Variants in CLSTN2 observed in about 807,000 individuals in gnomAD.
The protein encoded by CLSTN2 is calsyntenin-2.
CLSTN2 carries 48 observed loss-of-function variants against 101.2 expected under a neutral mutation model. The observed-to-expected ratio is 0.47, with a 90% CI of 0.38 to 0.60. The LOEUF (loss-of-function observed/expected upper bound fraction) is 0.60. CLSTN2 is among the 20% of genes least tolerant of loss of function. CLSTN2 has a pLI of 0.00. For synonymous variants in CLSTN2, 481 were observed against 463.6 expected (o/e 1.04, Z -0.48); for missense variants, 1,160 against 1,238.2 (o/e 0.94, Z 0.95).
Position 140,564,038 on chromosome 3 carries a change from CG to C in CLSTN2, c.2563del (p.Val855SerfsTer27). 1 of 1,614,132 alleles carries C rather than the reference CG, an allele frequency of 6.2e-7. No homozygotes were observed. Among genetic ancestry groups the C allele is most frequent in the East Asian group, 2.2e-5 (1 of 44,870 alleles). On this transcript the variant is annotated frameshift_variant, in exon 16 of 17. Transcript: ENST00000458420. LOFTEE classifies it high-confidence loss of function. ...LVFVVAMGVYRVRIAHQHFIQ... is the reference protein window; with the variant it reads ...LVFVVAMGVYXVRIAHQHFIQ... ...GTTTGTCGTGGCCATGGGTGTGTAC[CG>C]GGTCCGGATCGCCCACCAGCACTTC... is the stretch of plus-strand genomic sequence containing the variant.
intron 4 of CLSTN2, among the ~76,000 whole-genome samples, chr3:140,418,497 C>T (rs2088455058): frequency 3.6e-5 from 4 of 111,730 alleles, no homozygotes; most frequent in Admixed American, 8.1e-5. Flanking sequence ...CTAGTTCTTT[C>T]TTTCTTTCTT....
intron 1 of CLSTN2, among the ~76,000 whole-genome samples, chr3:139,983,676 CTCTT>C (rs1461173807): frequency 6.6e-6 from 1 of 151,776 alleles, no homozygotes; most frequent in Non-Finnish European, 1.5e-5. Context: ...ATCAAAATGC[CTCTT>C]TCTTTCAATA....
At position 140,053,614 on chromosome 3, in the gene CLSTN2, C is replaced by T. The variant is rs115240050; in HGVS notation, c.109+118131C>T. Among the ~76,000 whole-genome samples, 292 of 152,304 alleles carry T rather than the reference C, an allele frequency of 1.9e-3. 1 individual carries two copies. The highest frequency in any genetic ancestry group is 6.5e-3 in the African/African-American group (272 of 41,564). On this transcript the variant is annotated intron_variant, in intron 1 of 16. Transcript: ENST00000458420. ...GACAAGAATTTACTTTTGCTTTTCA[C>T]GTTTGACTGTCTGCTCTCTGTCTTC...
At chr3:140,446,953 A>T (rs1451718029) in intron 5 of CLSTN2, among the ~76,000 whole-genome samples, 2 of 152,206 alleles carry the variant, frequency 1.3e-5, no homozygotes, top group Non-Finnish European at 2.9e-5. Context: ...TACTCCAAGC[A>T]GAGCCTGGCA....
chr3:140,264,644 T>G (rs1221972116), intron 2 of CLSTN2, among the ~76,000 whole-genome samples: 1 of 151,994 alleles, frequency 6.6e-6, no homozygotes, highest in African/African-American at 2.4e-5. Context: ...CTATAGTTGA[T>G]AATGATTTCC....
chr3:140,386,070 A>G (rs2088048317), intron 2 of CLSTN2, among the ~76,000 whole-genome samples: 1 of 152,144 alleles, frequency 6.6e-6, no homozygotes, highest in South Asian at 2.1e-4. Flanking sequence ...GTTATCAATC[A>G]CCAACCTTTA....
chr3:140,483,132 GGTATGTT>G (rs1447305993), intron 8 of CLSTN2, among the ~76,000 whole-genome samples: 2 of 151,976 alleles, frequency 1.3e-5, no homozygotes, highest in Non-Finnish European at 2.9e-5. Context: ...CAGACATTCT[GGTATGTT>G]GTGTCTTTGT....
chr3:140,139,846 C>A (rs1203450267), intron 1 of CLSTN2, among the ~76,000 whole-genome samples: 1 of 152,132 alleles, frequency 6.6e-6, no homozygotes, highest in Non-Finnish European at 1.5e-5. Flanking sequence ...AGTGATGTGT[C>A]CCAAATGATC....
intron 1 of CLSTN2, among the ~76,000 whole-genome samples, chr3:140,162,855 C>T (rs2010072267): frequency 6.6e-6 from 1 of 152,118 alleles, no homozygotes; most frequent in Admixed American, 6.6e-5. Context: ...GAATCTAAGG[C>T]GTGAAATGGA....
At chr3:140,163,140 A>G (rs1210551666) in intron 1 of CLSTN2, among the ~76,000 whole-genome samples, 1 of 152,192 alleles carries the variant, frequency 6.6e-6, no homozygotes, top group Non-Finnish European at 1.5e-5. Flanking sequence ...ACACTAGTCT[A>G]GATATTGCTG....
intron 1 of CLSTN2, among the ~76,000 whole-genome samples, chr3:139,973,228 C>T (rs1049672013): frequency 1.3e-5 from 2 of 152,222 alleles, no homozygotes; most frequent in Non-Finnish European, 2.9e-5. Flanking sequence ...GTGAGGTTTC[C>T]TTCATGACTG....
chr3:140,281,752 C>T (rs931985079), intron 2 of CLSTN2, among the ~76,000 whole-genome samples: 2 of 43,940 alleles, frequency 4.6e-5, no homozygotes, highest in African/African-American at 1.1e-4. Context: ...ATAAAACTGT[C>T]AGAGAGAGAG....
intron 1 of CLSTN2, among the ~76,000 whole-genome samples, chr3:140,116,307 A>C (rs1050235813): frequency 1.3e-5 from 2 of 152,202 alleles, no homozygotes; most frequent in Admixed American, 1.3e-4. Flanking sequence ...ACTTACTATA[A>C]ATCTGTAAAA....
At chr3:140,446,066 A>G (rs7627962) in intron 5 of CLSTN2, among the ~76,000 whole-genome samples, 74,920 of 151,610 alleles carry the variant, frequency 0.49, 20,692 homozygotes, top group African/African-American at 0.74. Flanking sequence ...GGAGTGGTAC[A>G]AAGCATTTTG....
chr3:140,290,610 T>C (rs2086938160), intron 2 of CLSTN2, among the ~76,000 whole-genome samples: 1 of 152,160 alleles, frequency 6.6e-6, no homozygotes, highest in South Asian at 2.1e-4. Context: ...CCAATTACAA[T>C]ACAACCTACA....
chr3:140,200,154 G>C (rs1280007809), intron 2 of CLSTN2, among the ~76,000 whole-genome samples: 2 of 152,134 alleles, frequency 1.3e-5, no homozygotes, highest in East Asian at 3.8e-4. Flanking sequence ...GTATGAACCA[G>C]TCCCAAGTTT....
At chr3:140,485,221 C>A (rs1432203901) in intron 8 of CLSTN2, among the ~76,000 whole-genome samples, 1 of 152,242 alleles carries the variant, frequency 6.6e-6, no homozygotes, top group East Asian at 1.9e-4. Flanking sequence ...TAGAGGTCCA[C>A]TCCAGACCCT....
chr3:140,421,537 G>A (rs1053946916), intron 5 of CLSTN2, among the ~76,000 whole-genome samples: 4 of 143,548 alleles, frequency 2.8e-5, no homozygotes, highest in African/African-American at 1.1e-4. Context: ...TGACATCTTC[G>A]ATCAATAGTA....
intron 2 of CLSTN2, among the ~76,000 whole-genome samples, chr3:140,240,553 G>A (rs1391493582): frequency 6.6e-6 from 1 of 151,944 alleles, no homozygotes; most frequent in Non-Finnish European, 1.5e-5. Flanking sequence ...ACCTTAACAG[G>A]TTTGTTGAGA....
Sources: allele counts gnomAD v4.1 joint callset (sites outside exome capture counted in the v4.1 genomes callset), GRCh38; gene constraint gnomAD v4.1.1; transcripts MANE v1.5; gene names NCBI Gene and HGNC (gene_info 2026-07-23, HGNC 2026-07-21).